Variants in KANSL1 observed in about 807,000 individuals in gnomAD.
KANSL1 encodes the protein MLL1/MLL complex subunit KANSL1.
Under a neutral mutation model 103.6 loss-of-function variants are expected in KANSL1, and 22 were observed. The observed-to-expected ratio is 0.21, with a 90% CI of 0.15 to 0.30. The LOEUF is 0.30. KANSL1 is among the 10% of genes least tolerant of loss of function. The pLI is 1.00. For missense variants in KANSL1, 1,337 were observed against 1,399.8 expected, an observed-to-expected ratio of 0.96 and a Z score of 0.72; for synonymous variants, 600 against 527.6, an observed-to-expected ratio of 1.14 and a Z score of -1.88.
intron 1 of KANSL1, among the ~76,000 whole-genome samples, chr17:46,178,236 A>G (rs1343670910): frequency 6.6e-6 from 1 of 152,246 alleles, no homozygotes; most frequent in African/African-American, 2.4e-5. Context: ...TAAAGGAAAA[A>G]AAAACGAAAA....
chr17:46,171,488 T>G lies in KANSL1; in HGVS notation c.656A>C (p.His219Pro). The G allele has an allele frequency of 6.2e-7, 1 of 1,614,182 alleles. No homozygotes were observed. Among genetic ancestry groups the G allele is most frequent in the Non-Finnish European group, 8.5e-7 (1 of 1,180,040 alleles). Residue 219 changes from histidine (H) to proline (P), a missense_variant, in exon 2 of 15, where the codon CAC (histidine) becomes CCC (proline). Physicochemically the swap from His to Pro is moderately conservative, Grantham distance 77 (BLOSUM62 -2). Coordinates refer to ENST00000432791, the MANE Select transcript of KANSL1 (RefSeq NM_015443.4). ...TLPHRSLDVE[H>P]TTLYSNNSTA... is the part of the protein sequence containing the mutation. ...GCTATTATTGCTATACAAAGTTGTGTGTTCTACATCAAGGCTTCTATGTGG... is the reference window on the plus strand; with the variant it reads ...GCTATTATTGCTATACAAAGTTGTGGGTTCTACATCAAGGCTTCTATGTGG...
At chr17:46,078,096 C>T (rs916775597) in intron 4 of KANSL1, among the ~76,000 whole-genome samples, 1 of 152,152 alleles carries the variant, frequency 6.6e-6, no homozygotes, top group Non-Finnish European at 1.5e-5. Flanking sequence ...AGCAGGCATA[C>T]TACTACTACC....
At chr17:46,062,091 C>CAAAAA (rs35638067) in intron 6 of KANSL1, among the ~76,000 whole-genome samples, 30 of 70,030 alleles carry the variant, frequency 4.3e-4, no homozygotes, top group Admixed American at 1.0e-3. Context: ...GACTCCGACT[C>CAAAAA]AAAAAAAAAA....
chr17:46,104,450 T>A (rs2042446019), intron 2 of KANSL1, among the ~76,000 whole-genome samples: 1 of 152,370 alleles, frequency 6.6e-6, no homozygotes, highest in Admixed American at 6.5e-5. Context: ...GTTATTTGTA[T>A]GTGCTATTAT....
chr17:46,088,047 C>G (rs1464163537), intron 3 of KANSL1, among the ~76,000 whole-genome samples: 1 of 152,206 alleles, frequency 6.6e-6, no homozygotes, highest in African/African-American at 2.4e-5. Flanking sequence ...GGTCAAGAGT[C>G]TCCTTTTCCT....
chr17:46,186,199 C>A (rs1304517060), intron 1 of KANSL1, among the ~76,000 whole-genome samples: 1 of 150,924 alleles, frequency 6.6e-6, no homozygotes, highest in African/African-American at 2.4e-5. Context: ...CACAGTGAAA[C>A]CCCGTCTCTA....
At chr17:46,046,352 G>A (rs1248914728) in intron 7 of KANSL1, among the ~76,000 whole-genome samples, 1 of 151,458 alleles carries the variant, frequency 6.6e-6, no homozygotes, top group African/African-American at 2.4e-5. Context: ...TGGGCAACAC[G>A]GGGAAACCTC....
chr17:46,170,166 AAAC>A (rs1445201458), intron 2 of KANSL1: 2 of 151,988 alleles, frequency 1.3e-5, no homozygotes, highest in Non-Finnish European at 2.9e-5. Flanking sequence ...ACAAAACAAA[AAAC>A]AACAAAAAAA....
chr17:46,100,099 G>A lies in KANSL1; in HGVS notation c.1290-5398C>T, dbSNP rs148101029. Among the ~76,000 whole-genome samples, 294 of 152,284 alleles carry A rather than the reference G, an allele frequency of 1.9e-3. 2 individuals carry two copies. The highest frequency in any genetic ancestry group is 6.6e-3 in the African/African-American group (276 of 41,548). On this transcript the variant is annotated intron_variant, in intron 2 of 14. Coordinates refer to ENST00000432791, the MANE Select transcript of KANSL1 (RefSeq NM_015443.4). ...TACACAGTTAGACTATTACCACAGA[G>A]AATTGAGAATGCTCTGTTGACTCTA...
chr17:46,114,715 A>T (rs903893748), intron 2 of KANSL1, among the ~76,000 whole-genome samples: 5 of 152,350 alleles, frequency 3.3e-5, no homozygotes, highest in Middle Eastern at 3.4e-3. Context: ...CTAGATTTTT[A>T]AAAAATGACA....
intron 6 of KANSL1, among the ~76,000 whole-genome samples, chr17:46,050,993 C>T (rs1325184379): frequency 1.3e-5 from 2 of 152,212 alleles, no homozygotes; most frequent in African/African-American, 2.4e-5. Context: ...AAACTTCTGA[C>T]AGTTTAAAAA....
At chr17:46,219,831 C>T (rs2048465494) in intron 1 of KANSL1, among the ~76,000 whole-genome samples, 1 of 152,214 alleles carries the variant, frequency 6.6e-6, no homozygotes, top group African/African-American at 2.4e-5. Context: ...CGGCTGGGCA[C>T]GGTGGCCCAC....
intron 2 of KANSL1, among the ~76,000 whole-genome samples, chr17:46,142,042 T>C (rs1361094131): frequency 6.6e-6 from 1 of 152,160 alleles, no homozygotes; most frequent in Non-Finnish European, 1.5e-5. Context: ...GTGTGTGCCA[T>C]CACACCTGGC....
chr17:46,071,003 G>A (rs1396685437), intron 4 of KANSL1, among the ~76,000 whole-genome samples: 2 of 152,130 alleles, frequency 1.3e-5, no homozygotes, highest in Non-Finnish European at 2.9e-5. Context: ...AATATGTCAA[G>A]TAAAATCACC....
chr17:46,142,745 T>C (rs898854443), intron 2 of KANSL1, among the ~76,000 whole-genome samples: 11 of 152,272 alleles, frequency 7.2e-5, no homozygotes, highest in Non-Finnish European at 1.3e-4. Context: ...GGATCCTCCA[T>C]GCTAATTGGA....
rs1428233277 is a variant in KANSL1 at position 46,172,083 on chromosome 17, T to G, written c.61A>C (p.Lys21Gln). The G allele has an allele frequency of 1.9e-6, 3 of 1,613,382 alleles. No individual in the cohort carries two copies. The highest frequency in any genetic ancestry group is 2.5e-6 in the Non-Finnish European group (3 of 1,180,050). Reference protein sequence around the residue: ...AAAEAHHIRFKLAPPSSTLSP... With the variant: ...AAAEAHHIRFQLAPPSSTLSP... Reference sequence around the variant, plus strand: ...AAGGTAGAGGATGGGGGAGCCAGTTTGAACCGGATATGGTGTGCTTCAGCT... The same window carrying G: ...AAGGTAGAGGATGGGGGAGCCAGTTGGAACCGGATATGGTGTGCTTCAGCT... The change falls in exon 2 of 15, where the codon AAA becomes CAA. Residue 21 changes from lysine (K) to glutamine (Q), a missense_variant. By Grantham distance (53) the Lys-to-Gln change is moderately conservative. Around this residue, in one of 2 missense-constraint regions of KANSL1, gnomAD observed 557 missense variants for 476.4 expected, o/e 1.17. Transcript: ENST00000432791.
intron 3 of KANSL1, among the ~76,000 whole-genome samples, chr17:46,083,600 A>G (rs1401387836): frequency 2.0e-5 from 3 of 152,014 alleles, no homozygotes; most frequent in Non-Finnish European, 4.4e-5. Flanking sequence ...CAACCCCACT[A>G]TGTTACCGAG....
At chr17:46,196,992 G>A (rs2047631952), upstream of KANSL1, among the ~76,000 whole-genome samples, 1 of 152,116 alleles carries the variant, frequency 6.6e-6, no homozygotes, top group Non-Finnish European at 1.5e-5. Flanking sequence ...GCATACACCT[G>A]TAGTCCAAGC....
chr17:46,051,536 A>C (rs2077711528), intron 6 of KANSL1, among the ~76,000 whole-genome samples: 1 of 152,222 alleles, frequency 6.6e-6, no homozygotes, highest in African/African-American at 2.4e-5. Context: ...ACAATTTTAT[A>C]CTTTGAGCAA....
Sources: allele counts gnomAD v4.1 joint callset (sites outside exome capture counted in the v4.1 genomes callset), GRCh38; gene constraint gnomAD v4.1.1; regional missense constraint gnomAD v4.1.1; transcripts MANE v1.5; gene names NCBI Gene and HGNC (gene_info 2026-07-23, HGNC 2026-07-21).